MAGI2: variants seen among roughly 807,000 people sequenced by gnomAD.
MAGI2 encodes the protein membrane-associated guanylate kinase, WW and PDZ domain-containing protein 2.
In MAGI2, 35 loss-of-function variants were observed where a neutral mutation model predicts 133.3. That is an observed-to-expected ratio of 0.26 (90% CI 0.20 to 0.35). MAGI2 has a LOEUF of 0.35. Ranked by LOEUF, MAGI2 falls within the 10% of genes least tolerant of loss-of-function variation. The pLI, the probability that MAGI2 is intolerant of heterozygous loss-of-function variation, is 1.00. For synonymous variants in MAGI2, 729 were observed against 710.6 expected, an observed-to-expected ratio of 1.03 and a Z score of -0.41; for missense variants, 1,636 against 1,863.4, an observed-to-expected ratio of 0.88 and a Z score of 2.25.
At chr7:79,163,470 G>A (rs955375567) in intron 1 of MAGI2, among the ~76,000 whole-genome samples, 5 of 151,986 alleles carry the variant, frequency 3.3e-5, no homozygotes, top group Admixed American at 2.6e-4. Context: ...CACCAAACCA[G>A]GCCCTTTATG....
At chr7:79,384,179 C>A (rs1189468372) in intron 1 of MAGI2, among the ~76,000 whole-genome samples, 3 of 151,018 alleles carry the variant, frequency 2.0e-5, no homozygotes, top group African/African-American at 7.3e-5. Context: ...CAAGAGAAAA[C>A]CAAAGGTGAA....
At chr7:78,576,746 G>A (rs1802307919) in intron 3 of MAGI2, among the ~76,000 whole-genome samples, 1 of 152,102 alleles carries the variant, frequency 6.6e-6, no homozygotes, top group East Asian at 1.9e-4. Flanking sequence ...TAGCATAAAA[G>A]TACAGTTTTT....
intron 3 of MAGI2, among the ~76,000 whole-genome samples, chr7:78,604,805 T>C (rs529729297): frequency 2.6e-5 from 4 of 152,240 alleles, no homozygotes; most frequent in Non-Finnish European, 5.9e-5. Flanking sequence ...TTCATATAAA[T>C]GGCATTGTGC....
intron 20 of MAGI2, among the ~76,000 whole-genome samples, chr7:78,118,022 A>G (rs569900881): frequency 6.6e-6 from 1 of 152,350 alleles, no homozygotes; most frequent in East Asian, 1.9e-4. Context: ...GATCAATGGA[A>G]CAGAATAGAC....
At chr7:79,034,160 T>C (rs558818327) in intron 1 of MAGI2, among the ~76,000 whole-genome samples, 534 of 152,272 alleles carry the variant, frequency 3.5e-3, no homozygotes, top group Middle Eastern at 6.8e-3. Flanking sequence ...AGTAATCTTT[T>C]AGTGCATGGA....
In MAGI2 at chr7:78,989,082, T is replaced by C. The variant is rs143807091; in HGVS notation, c.418+18008A>G. Among the ~76,000 whole-genome samples the C allele has an allele frequency of 2.1e-3, 320 of 152,210 alleles. 1 individual carries two copies. The highest frequency in any genetic ancestry group is 7.5e-3 in the African/African-American group (312 of 41,560). ...TATGCATGGACATCTGAGTGGAAAC[T>C]GTACTAGTAGAAAAATGAGCCAGAG... On this transcript the variant is annotated intron_variant, in intron 2 of 21. Coordinates refer to ENST00000354212, the MANE Select transcript of MAGI2 (RefSeq NM_012301.4).
intron 1 of MAGI2, among the ~76,000 whole-genome samples, chr7:79,401,214 C>A (rs887607879): frequency 6.6e-6 from 1 of 152,122 alleles, no homozygotes; most frequent in Non-Finnish European, 1.5e-5. Context: ...TGTATAGATA[C>A]ACATGCCACA....
chr7:79,295,034 G>A (rs1185964490), intron 1 of MAGI2, among the ~76,000 whole-genome samples: 2 of 151,956 alleles, frequency 1.3e-5, no homozygotes, highest in African/African-American at 2.4e-5. Context: ...CACCGCAACT[G>A]GCCATATTGT....
intron 12 of MAGI2, among the ~76,000 whole-genome samples, chr7:78,193,849 A>G (rs1435692277): frequency 1.3e-5 from 2 of 152,198 alleles, no homozygotes. Context: ...TTCAACCAAA[A>G]TTAGTTCTAC....
intron 1 of MAGI2, among the ~76,000 whole-genome samples, chr7:79,421,937 A>G (rs1846987181): frequency 6.6e-6 from 1 of 151,998 alleles, no homozygotes; most frequent in Non-Finnish European, 1.5e-5. Flanking sequence ...ATCTGAACTC[A>G]TGCAGCTTTC....
chr7:78,297,743 A>G (rs1342189578), intron 9 of MAGI2, among the ~76,000 whole-genome samples: 3 of 149,974 alleles, frequency 2.0e-5, no homozygotes, highest in Non-Finnish European at 4.4e-5. Context: ...AAAACCAAAC[A>G]CCGCATATTC....
At chr7:79,032,975 C>T (rs1810752802) in intron 1 of MAGI2, among the ~76,000 whole-genome samples, 1 of 151,984 alleles carries the variant, frequency 6.6e-6, no homozygotes, top group South Asian at 2.1e-4. Context: ...TAATAGAAGA[C>T]ATAAATTCAT....
intron 7 of MAGI2, among the ~76,000 whole-genome samples, chr7:78,363,819 C>A (rs1253879333): frequency 6.6e-6 from 1 of 152,148 alleles, no homozygotes; most frequent in Non-Finnish European, 1.5e-5. Flanking sequence ...AATTCTGGCT[C>A]TATTATATAG....
intron 20 of MAGI2, among the ~76,000 whole-genome samples, chr7:78,093,432 C>T (rs1391819727): frequency 6.6e-6 from 1 of 151,518 alleles, no homozygotes; most frequent in Non-Finnish European, 1.5e-5. Context: ...CCAACCTGGG[C>T]AACAGAGTGA....
At chr7:78,146,490 C>CCAACGT (rs1448379025) in intron 16 of MAGI2, among the ~76,000 whole-genome samples, 1 of 151,960 alleles carries the variant, frequency 6.6e-6, no homozygotes, top group South Asian at 2.1e-4. Context: ...TTTTATGTAC[C>CCAACGT]CAACGTTTAA....
At chr7:79,140,031 A>G (rs1235513857) in intron 1 of MAGI2, among the ~76,000 whole-genome samples, 1 of 152,170 alleles carries the variant, frequency 6.6e-6, no homozygotes, top group Non-Finnish European at 1.5e-5. Context: ...AAAGGTAAAC[A>G]CAGCTGATTG....
At chr7:79,340,148 C>A (rs1180633643) in intron 1 of MAGI2, among the ~76,000 whole-genome samples, 1 of 152,008 alleles carries the variant, frequency 6.6e-6, no homozygotes, top group Non-Finnish European at 1.5e-5. Context: ...TTCATGGACT[C>A]TAATTATGAA....
intron 2 of MAGI2, among the ~76,000 whole-genome samples, chr7:78,838,563 A>G (rs1164557563): frequency 6.6e-6 from 1 of 151,662 alleles, no homozygotes; most frequent in Non-Finnish European, 1.5e-5. Flanking sequence ...TGGAAACTAT[A>G]TTAGTGATGT....
At chr7:79,378,444 G>T (rs1333910724) in intron 1 of MAGI2, among the ~76,000 whole-genome samples, 1 of 151,622 alleles carries the variant, frequency 6.6e-6, no homozygotes, top group Non-Finnish European at 1.5e-5. Context: ...CTAATAAGCA[G>T]CTGTACTTTA....
Sources: gnomAD v4.1 joint callset for allele counts (sites outside exome capture counted in the v4.1 genomes callset) on GRCh38, gnomAD v4.1.1 for gene constraint, MANE v1.5 for transcripts, NCBI Gene and HGNC (gene_info 2026-07-23, HGNC 2026-07-21) for gene names.